Variants in AUTS2 observed in about 807,000 individuals in gnomAD.
AUTS2 encodes the protein autism susceptibility gene 2 protein.
A neutral mutation model predicts 112.4 loss-of-function variants in AUTS2; 17 were observed. The observed-to-expected ratio is 0.15, with a 90% CI of 0.10 to 0.23. The LOEUF (loss-of-function observed/expected upper bound fraction) is 0.23, where lower values mean the gene tolerates loss of function less well. Among genes scored for constraint, AUTS2 ranks in the 10% least tolerant of loss-of-function variants. The pLI is 1.00. For missense variants in AUTS2, 1,510 were observed against 1,701.6 expected, an observed-to-expected ratio of 0.89 and a Z score of 1.98; for synonymous variants, 751 against 702.7, an observed-to-expected ratio of 1.07 and a Z score of -1.09.
chr7:70,340,747 G>A (rs1791226403), intron 4 of AUTS2, among the ~76,000 whole-genome samples: 1 of 152,242 alleles, frequency 6.6e-6, no homozygotes, highest in Admixed American at 6.5e-5. Context: ...AGAATCTCTA[G>A]TATTTCATTC....
intron 1 of AUTS2, among the ~76,000 whole-genome samples, chr7:69,868,015 C>T (rs1793312619): frequency 6.6e-6 from 1 of 151,600 alleles, no homozygotes; most frequent in African/African-American, 2.4e-5. Flanking sequence ...AGTAACCCTA[C>T]ATAGGCATAT....
chr7:70,778,356 A>C (rs1273992257), intron 14 of AUTS2, among the ~76,000 whole-genome samples: 1 of 152,198 alleles, frequency 6.6e-6, no homozygotes, highest in East Asian at 1.9e-4. Flanking sequence ...TAGTCCTAAC[A>C]GCATTTGGGA....
At chr7:69,705,545 A>G (rs1798027458) in intron 1 of AUTS2, among the ~76,000 whole-genome samples, 1 of 152,362 alleles carries the variant, frequency 6.6e-6, no homozygotes, top group South Asian at 2.1e-4. Flanking sequence ...AGCTATATCA[A>G]ATAGCACCTA....
At chr7:70,521,255 C>G (rs113846186) in intron 5 of AUTS2, among the ~76,000 whole-genome samples, 231 of 152,272 alleles carry the variant, frequency 1.5e-3, no homozygotes, top group African/African-American at 5.2e-3. Flanking sequence ...ATTCTGAAGG[C>G]TAGTGGAGGC....
intron 2 of AUTS2, among the ~76,000 whole-genome samples, chr7:70,095,768 A>G (rs184094822): frequency 6.6e-6 from 1 of 152,310 alleles, no homozygotes; most frequent in East Asian, 1.9e-4. Flanking sequence ...GATAGAGTCT[A>G]AAGAAAAGCG....
chr7:70,665,548 G>T (rs1024276461), intron 5 of AUTS2, among the ~76,000 whole-genome samples: 3 of 151,536 alleles, frequency 2.0e-5, no homozygotes, highest in South Asian at 4.2e-4. Context: ...TGATCTTCCC[G>T]CCTCGGCCTC....
At chr7:70,745,522 G>C (rs989012719) in intron 6 of AUTS2, among the ~76,000 whole-genome samples, 3 of 152,160 alleles carry the variant, frequency 2.0e-5, no homozygotes, top group Admixed American at 6.5e-5. Context: ...CAGGGTAGCA[G>C]CTGTTTATAT....
At chr7:69,818,841 C>T (rs1305525979) in intron 1 of AUTS2, among the ~76,000 whole-genome samples, 1 of 152,200 alleles carries the variant, frequency 6.6e-6, no homozygotes, top group African/African-American at 2.4e-5. Context: ...TCATAAACAC[C>T]TGGGTCTGTG....
chr7:69,675,688 G>A (rs1796532254), intron 1 of AUTS2, among the ~76,000 whole-genome samples: 1 of 151,800 alleles, frequency 6.6e-6, no homozygotes, highest in Non-Finnish European at 1.5e-5. Context: ...TGTATTTTTA[G>A]TGGAGACGGG....
chr7:70,506,091 G>A (rs927331639), intron 5 of AUTS2, among the ~76,000 whole-genome samples: 7 of 152,292 alleles, frequency 4.6e-5, no homozygotes, highest in African/African-American at 1.7e-4. Flanking sequence ...GTGATCCCAG[G>A]TGCAGGCTGA....
rs1791104932 is a variant in AUTS2, at chr7:70,781,818, A to T, written c.2146+62A>T. ...AATGTAGTTCTCAGGTAACTAAATAAATGAGGTTTGGGCTCTGAGCTGCCG... is the reference window on the plus strand; with the variant it reads ...AATGTAGTTCTCAGGTAACTAAATATATGAGGTTTGGGCTCTGAGCTGCCG... On this transcript the variant is annotated intron_variant, in intron 15 of 18. Transcript: ENST00000342771. 6 of 1,575,934 alleles carry T rather than the reference A, an allele frequency of 3.8e-6. No homozygotes were observed. The African/African-American group carries it at 4.1e-5, about 11-fold the overall frequency.
intron 5 of AUTS2, among the ~76,000 whole-genome samples, chr7:70,491,235 CTCTG>C (rs1472355611): frequency 6.6e-6 from 1 of 152,084 alleles, no homozygotes; most frequent in African/African-American, 2.4e-5. Flanking sequence ...CTCTCTCTAT[CTCTG>C]TCTTTCATCT....
chr7:69,951,899 G>C (rs772980487), intron 2 of AUTS2, among the ~76,000 whole-genome samples: 41 of 152,096 alleles, frequency 2.7e-4, no homozygotes, highest in Non-Finnish European at 4.4e-4. Flanking sequence ...TTCTTCCCCT[G>C]GCTCAAAATC....
rs1554396465 is a variant in AUTS2, at chr7:69,876,349, A to AAAAT, written c.310-22936_310-22935insAATA. 7.8e-4 allele frequency among the ~76,000 whole-genome samples: 23 copies of AAAAT among 29,496 alleles called. 1 individual carries two copies. Among genetic ancestry groups the AAAAT allele is most frequent in the East Asian group, 3.3e-3 (2 of 610 alleles). The allele number at this position is 29,496 out of a possible 152,430, so 19.4% of individuals were successfully genotyped here. ...TCAAAAAAAAAAAAAAAAAAAAAAA[A>AAAAT]ATATATATATATATATATATATATA... On this transcript the variant is annotated intron_variant, in intron 1 of 18. Coordinates refer to ENST00000342771, the MANE Select transcript of AUTS2 (RefSeq NM_015570.4).
rs1554395050 is a variant in AUTS2, at chr7:69,870,448, A to ATATATATATATATATATATATATAT, written c.310-28838_310-28837insTATATATATATATATATATATATAT. On this transcript the variant is annotated intron_variant, in intron 1 of 18. Coordinates refer to ENST00000342771, the MANE Select transcript of AUTS2 (RefSeq NM_015570.4). ...TACATATCTGTGCGTATGTGTGTGT[A>ATATATATATATATATATATATATAT]ATATATATATATATATATGTATTCA... 6.6e-3 allele frequency among the ~76,000 whole-genome samples: 520 copies of ATATATATATATATATATATATATAT among 78,948 alleles called. 7 individuals are homozygous for ATATATATATATATATATATATATAT. Among genetic ancestry groups the ATATATATATATATATATATATATAT allele is most frequent in the Non-Finnish European group, 9.5e-3 (375 of 39,436 alleles). The allele number at this position is 78,948 out of a possible 152,430, so 51.8% of individuals were successfully genotyped here. A position where few individuals can be genotyped will look rare whatever the true frequency, so the allele number is the denominator to read the frequency against.
intron 2 of AUTS2, among the ~76,000 whole-genome samples, chr7:70,102,221 C>T (rs1327582380): frequency 1.3e-5 from 2 of 151,044 alleles, no homozygotes; most frequent in African/African-American, 4.9e-5. Flanking sequence ...CGGGTTCACA[C>T]CATTCTCCTG....
At chr7:69,893,131 C>T (rs770607371) in intron 1 of AUTS2, among the ~76,000 whole-genome samples, 1 of 152,182 alleles carries the variant, frequency 6.6e-6, no homozygotes, top group Non-Finnish European at 1.5e-5. Flanking sequence ...AATGTGTATG[C>T]ACATAGTAGG....
intron 5 of AUTS2, among the ~76,000 whole-genome samples, chr7:70,507,882 C>T (rs1486300301): frequency 2.0e-5 from 3 of 152,196 alleles, no homozygotes; most frequent in Non-Finnish European, 4.4e-5. Flanking sequence ...TATGTGTACA[C>T]ATGTGTGTGT....
intron 6 of AUTS2, chr7:70,729,297 T>C: frequency 2.5e-6 from 1 of 405,692 alleles, no homozygotes; most frequent in Non-Finnish European, 5.0e-6. Flanking sequence ...TCCCAGTTCC[T>C]TCCTGGTCAG....
Sources: allele counts gnomAD v4.1 joint callset (sites outside exome capture counted in the v4.1 genomes callset), GRCh38; gene constraint gnomAD v4.1.1; transcripts MANE v1.5; gene names NCBI Gene and HGNC (gene_info 2026-07-23, HGNC 2026-07-21).